KLHL4: variants seen among roughly 807,000 people sequenced by gnomAD.
The protein encoded by KLHL4 is kelch-like protein 4.
A neutral mutation model predicts 45.8 loss-of-function variants in KLHL4; 17 were observed. That is an observed-to-expected ratio of 0.37 (90% CI 0.25 to 0.56). The LOEUF (loss-of-function observed/expected upper bound fraction) is 0.56, where lower values mean the gene tolerates loss of function less well. Ranked by LOEUF, KLHL4 falls within the 20% of genes least tolerant of loss-of-function variation. The pLI, the probability that KLHL4 is intolerant of heterozygous loss-of-function variation, is 0.79. For synonymous variants in KLHL4, 224 were observed against 189.9 expected, an observed-to-expected ratio of 1.18 and a Z score of -1.47; for missense variants, 544 against 544.9, an observed-to-expected ratio of 1.00 and a Z score of 0.02.
intron 1 of KLHL4, among the ~76,000 whole-genome samples, chrX:87,537,525 G>A (rs1356355779): frequency 9.1e-6 from 1 of 110,429 alleles, no homozygotes; most frequent in Non-Finnish European, 1.9e-5. Context: ...TCGATATATA[G>A]ATGTAGATAC....
intron 1 of KLHL4, among the ~76,000 whole-genome samples, chrX:87,605,152 G>C (rs750930458): frequency 1.8e-5 from 2 of 111,471 alleles, no homozygotes; most frequent in East Asian, 5.6e-4. Context: ...ATCATACTTT[G>C]TTGATTACTA....
chrX:87,669,052 G>A lies in KLHL4; in HGVS notation c.*2518G>A, dbSNP rs1924477473. 5 of 864,728 alleles carry A rather than the reference G, an allele frequency of 5.8e-6. No individual in the cohort carries two copies. Among genetic ancestry groups the A allele is most frequent in the African/African-American group, 4.2e-5 (2 of 47,590 alleles). 71.3% of individuals were successfully genotyped at this position (864,728 alleles called of 1,213,427 possible). On this transcript the variant is annotated 3_prime_UTR_variant, in exon 11 of 11. Transcript: ENST00000373119. ...TCTCAGTCAAACTTAATTGGGAAAA[G>A]GAGGAGTAAGAGCAGGCCCTTTCTG...
intron 1 of KLHL4, among the ~76,000 whole-genome samples, chrX:87,546,602 G>C (rs761249733): frequency 8.9e-6 from 1 of 112,086 alleles, no homozygotes; most frequent in South Asian, 3.7e-4. Flanking sequence ...GGATCTGTGA[G>C]AAGAGGGACA....
chrX:87,544,535 G>A (rs976060964), intron 1 of KLHL4, among the ~76,000 whole-genome samples: 4 of 111,512 alleles, frequency 3.6e-5, no homozygotes, highest in African/African-American at 1.3e-4. Flanking sequence ...GTCTGACCCA[G>A]TACATTTATA....
chrX:87,569,052 A>T, intron 1 of KLHL4, among the ~76,000 whole-genome samples: 1 of 111,633 alleles, frequency 9.0e-6, no homozygotes, highest in Non-Finnish European at 1.9e-5. Context: ...AAAAGGGGGA[A>T]AAACATGTGC....
intron 1 of KLHL4, among the ~76,000 whole-genome samples, chrX:87,572,428 A>G (rs1021939096): frequency 9.0e-6 from 1 of 110,971 alleles, no homozygotes; most frequent in Non-Finnish European, 1.9e-5. Flanking sequence ...CTTTCTCTCT[A>G]TTAATGAGCT....
rs1329103199 is a variant in KLHL4, at chrX:87,669,016, A to G, written c.*2482A>G. 12 of 823,351 alleles carry G rather than the reference A, an allele frequency of 1.5e-5. No homozygotes were observed. Among genetic ancestry groups the G allele is most frequent in the Non-Finnish European group, 2.9e-6 (2 of 684,948 alleles). 67.9% of individuals were successfully genotyped at this position (823,351 alleles called of 1,213,427 possible). On this transcript the variant is annotated 3_prime_UTR_variant, in exon 11 of 11. Transcript: ENST00000373119. The stretch of plus-strand genomic sequence containing the variant: ...GCAGAGGCCCAGGGCACTCAAACAT[A>G]ACTGTGCTTGTCTCAGTCAAACTTA...
intron 6 of KLHL4, among the ~76,000 whole-genome samples, chrX:87,631,544 C>T (rs763083838): frequency 9.0e-6 from 1 of 111,591 alleles, no homozygotes; most frequent in Non-Finnish European, 1.9e-5. Context: ...TTTATATAGA[C>T]AGAGTCTCAC....
At chrX:87,636,350 T>C (rs1404241063) in intron 9 of KLHL4, among the ~76,000 whole-genome samples, 1 of 111,508 alleles carries the variant, frequency 9.0e-6, no homozygotes, top group Non-Finnish European at 1.9e-5. Context: ...GGGGAAAAAA[T>C]GGCAGATAGG....
chrX:87,545,745 TGTGG>T (rs1177179441), intron 1 of KLHL4, among the ~76,000 whole-genome samples: 1 of 111,600 alleles, frequency 9.0e-6, no homozygotes, highest in East Asian at 2.8e-4. Context: ...GACAGGAAGA[TGTGG>T]GAAAGTTTGG....
At chrX:87,572,216 CA>C (rs1371277350) in intron 1 of KLHL4, among the ~76,000 whole-genome samples, 2 of 111,221 alleles carry the variant, frequency 1.8e-5, no homozygotes, top group East Asian at 5.7e-4. Flanking sequence ...CACATTCACA[CA>C]GTTCTAAATA....
At chrX:87,624,336 C>T (rs1309791539) in intron 5 of KLHL4, among the ~76,000 whole-genome samples, 1 of 111,571 alleles carries the variant, frequency 9.0e-6, no homozygotes, top group African/African-American at 3.3e-5. Flanking sequence ...TAAAAGGTGA[C>T]CTTACAAATA....
At position 87,625,693 on chromosome X, in the gene KLHL4, T is replaced by C; in HGVS notation, c.1221T>C (p.His407=). 1 of 1,209,171 alleles carries C rather than the reference T, an allele frequency of 8.3e-7. No individual in the cohort carries two copies. Among genetic ancestry groups the C allele is most frequent in the Non-Finnish European group, 1.1e-6 (1 of 893,467 alleles). ...TCCTGATGGAAGCTATGAAGTATCATCTTTTGCCTGAGAGAAGATCCATGA... is the reference window on the plus strand; with the variant it reads ...TCCTGATGGAAGCTATGAAGTATCACCTTTTGCCTGAGAGAAGATCCATGA... The part of the protein sequence containing the change: ...QKLLMEAMKY[H]LLPERRSMMQ... The change falls in exon 6 of 11, where the codon CAT becomes CAC. Residue 407 remains histidine, a synonymous_variant. Transcript: ENST00000373119.
In KLHL4 at chrX:87,666,848, G is replaced by A; in HGVS notation, c.*314G>A. 1.3e-6 allele frequency: 1 copy of A among 772,187 alleles called. No individual in the cohort carries two copies. Among genetic ancestry groups the A allele is most frequent in the Non-Finnish European group, 1.5e-6 (1 of 645,362 alleles). The allele number at this position is 772,187 out of a possible 1,213,427, so 63.6% of individuals were successfully genotyped here. ...AATGAAAATTGATGGTGGCCACAGT[G>A]TGCAGGTTATAAAAGCATTAATACA... On this transcript the variant is annotated 3_prime_UTR_variant, in exon 11 of 11. Coordinates refer to ENST00000373119, the MANE Select transcript of KLHL4 (RefSeq NM_019117.5).
At chrX:87,522,380 G>A (rs916877816) in intron 1 of KLHL4, among the ~76,000 whole-genome samples, 2 of 111,895 alleles carry the variant, frequency 1.8e-5, no homozygotes, top group Non-Finnish European at 3.8e-5. Flanking sequence ...TTTTGTTGAT[G>A]CTTACTGTGT....
chrX:87,629,786 AACTG>A (rs1368447980), intron 6 of KLHL4, among the ~76,000 whole-genome samples: 1 of 111,890 alleles, frequency 8.9e-6, no homozygotes, highest in African/African-American at 3.2e-5. Context: ...ATTCAGAGAA[AACTG>A]ACTGGTTAAA....
rs997227996 is a variant in KLHL4 at position 87,667,276 on chromosome X, G to T, written c.*742G>T. The T allele has an allele frequency of 2.8e-6, 2 of 722,767 alleles. No individual in the cohort carries two copies. The highest frequency in any genetic ancestry group is 4.7e-5 in the African/African-American group (2 of 42,555). The allele number at this position is 722,767 out of a possible 1,213,427, so 59.6% of individuals were successfully genotyped here. A position where few individuals can be genotyped will look rare whatever the true frequency, so the allele number is the denominator to read the frequency against. ...TACACAGTCTATACAATGAAATAAT[G>T]AATATTTATCATATTGATACAAACT... On this transcript the variant is annotated 3_prime_UTR_variant, in exon 11 of 11. Coordinates refer to ENST00000373119, the MANE Select transcript of KLHL4 (RefSeq NM_019117.5).
intron 6 of KLHL4, among the ~76,000 whole-genome samples, chrX:87,631,162 C>A (rs1157656552): frequency 1.8e-5 from 2 of 111,035 alleles, no homozygotes; most frequent in African/African-American, 6.6e-5. Flanking sequence ...GGGTTTTCTG[C>A]CTAAACTCGC....
At chrX:87,526,306 C>T (rs1204812896) in intron 1 of KLHL4, among the ~76,000 whole-genome samples, 2 of 112,136 alleles carry the variant, frequency 1.8e-5, no homozygotes, top group South Asian at 3.7e-4. Context: ...AATGTTTCCT[C>T]CATTCAAGAA....
Sources: allele counts gnomAD v4.1 joint callset (sites outside exome capture counted in the v4.1 genomes callset), GRCh38; gene constraint gnomAD v4.1.1; transcripts MANE v1.5; gene names NCBI Gene and HGNC (gene_info 2026-07-23, HGNC 2026-07-21).